The following ABTB3 variants were observed in gnomAD, a reference collection of about 807,000 sequenced individuals.
ABTB3 encodes ankyrin repeat and BTB domain containing 3.
At chr12:107,326,960 C>T in the ABTB3 span, among the ~76,000 whole-genome samples, 1 of 152,174 alleles carries the variant, frequency 6.6e-6, no homozygotes, top group Non-Finnish European at 1.5e-5. Flanking sequence ...TTGTTCTCCA[C>T]CCTCTCAGCT....
At chr12:107,636,141 G>A in the ABTB3 span, among the ~76,000 whole-genome samples, 34 of 152,262 alleles carry the variant, frequency 2.2e-4, no homozygotes, top group African/African-American at 7.2e-4. Context: ...ACACAGGTGT[G>A]CCCGGAAGCT....
chr12:107,581,082 G>A, the ABTB3 span: 28 of 1,545,298 alleles, frequency 1.8e-5, no homozygotes, highest in East Asian at 2.5e-5. Flanking sequence ...CAGGGGGTGG[G>A]GCCAAGCCGG....
At chr12:107,462,701 G>C in the ABTB3 span, among the ~76,000 whole-genome samples, 1 of 150,062 alleles carries the variant, frequency 6.7e-6, no homozygotes, top group African/African-American at 2.5e-5. Flanking sequence ...GGTGATGATG[G>C]TGGTGGTGAT....
chr12:107,555,575 A>G, the ABTB3 span, among the ~76,000 whole-genome samples: 1 of 152,212 alleles, frequency 6.6e-6, no homozygotes, highest in Admixed American at 6.5e-5. Context: ...GGAAAACGGA[A>G]AAAAAATCTG....
chr12:107,577,936 G>A, the ABTB3 span, among the ~76,000 whole-genome samples: 1 of 151,988 alleles, frequency 6.6e-6, no homozygotes, highest in Non-Finnish European at 1.5e-5. Context: ...AGCTCCTCAA[G>A]CTTCTTTTGG....
the ABTB3 span, among the ~76,000 whole-genome samples, chr12:107,559,885 T>G: frequency 3.9e-5 from 6 of 152,174 alleles, no homozygotes; most frequent in African/African-American, 1.4e-4. Context: ...TATATATGCT[T>G]GTTTTTTAAA....
chr12:107,477,408 T>A, the ABTB3 span, among the ~76,000 whole-genome samples: 1 of 152,312 alleles, frequency 6.6e-6, no homozygotes, highest in African/African-American at 2.4e-5. Context: ...GCATTGGCGC[T>A]AAGACTTGCC....
the ABTB3 span, among the ~76,000 whole-genome samples, chr12:107,402,372 G>A: frequency 3.9e-4 from 59 of 152,250 alleles, no homozygotes; most frequent in East Asian, 4.3e-3. Flanking sequence ...TGGCTTGACC[G>A]CCTAAGAGGC....
At chr12:107,319,769 G>C in the ABTB3 span, 1 of 1,480,778 alleles carries the variant, frequency 6.8e-7, no homozygotes, top group South Asian at 1.3e-5. Context: ...CCCGAGCTCG[G>C]GCCCTGGTGC....
the ABTB3 span, among the ~76,000 whole-genome samples, chr12:107,582,452 C>T: frequency 6.6e-6 from 1 of 152,212 alleles, no homozygotes; most frequent in Admixed American, 6.5e-5. Context: ...GTTCTAACCA[C>T]TGAGCGCTTT....
chr12:107,543,294 A>G, the ABTB3 span, among the ~76,000 whole-genome samples: 7 of 145,852 alleles, frequency 4.8e-5, no homozygotes, highest in Non-Finnish European at 1.5e-5. Flanking sequence ...AGTGGAGATC[A>G]TGCCACTGCA....
At chr12:107,620,210 C>T in the ABTB3 span, 4 of 1,600,182 alleles carry the variant, frequency 2.5e-6, no homozygotes, top group South Asian at 3.4e-5. Flanking sequence ...GAGAACAAAG[C>T]TGGAGGTTCC....
chr12:107,318,779 C>T, the ABTB3 span: 1 of 784,498 alleles, frequency 1.3e-6, no homozygotes, highest in Non-Finnish European at 2.0e-6. Context: ...GGCGGCAGTT[C>T]CGGGAGGCAG....
the ABTB3 span, among the ~76,000 whole-genome samples, chr12:107,539,212 T>C: frequency 1.2e-4 from 18 of 152,268 alleles, no homozygotes; most frequent in African/African-American, 3.9e-4. Context: ...TGTCTCTTCT[T>C]CCTCTACTCC....
chr12:107,404,631 C>T, the ABTB3 span, among the ~76,000 whole-genome samples: 7 of 152,302 alleles, frequency 4.6e-5, no homozygotes, highest in South Asian at 8.3e-4. Flanking sequence ...CCGGGACTTC[C>T]TCTGGCTTCC....
At chr12:107,346,521 G>A in the ABTB3 span, among the ~76,000 whole-genome samples, 1 of 152,008 alleles carries the variant, frequency 6.6e-6, no homozygotes, top group Non-Finnish European at 1.5e-5. Flanking sequence ...GTGCAGTGGT[G>A]TGATCTTGGC....
the ABTB3 span, among the ~76,000 whole-genome samples, chr12:107,646,951 G>A: frequency 6.6e-6 from 1 of 152,130 alleles, no homozygotes; most frequent in Non-Finnish European, 1.5e-5. Context: ...CCTAGCAGAG[G>A]GAACAGTGTG....
At chr12:107,514,286 CA>C in the ABTB3 span, among the ~76,000 whole-genome samples, 1 of 152,158 alleles carries the variant, frequency 6.6e-6, no homozygotes, top group Admixed American at 6.5e-5. Context: ...TGTGGACAAT[CA>C]AAGGCATTAG....
the ABTB3 span, among the ~76,000 whole-genome samples, chr12:107,353,761 G>T: frequency 6.6e-6 from 1 of 152,250 alleles, no homozygotes; most frequent in South Asian, 2.1e-4. Context: ...GGCAACATTG[G>T]ATTCTCACAG....
Sources: gnomAD v4.1 joint callset for allele counts (sites outside exome capture counted in the v4.1 genomes callset) on GRCh38, gnomAD v4.1.1 for gene constraint, MANE v1.5 for transcripts, NCBI Gene and HGNC (gene_info 2026-07-23, HGNC 2026-07-21) for gene names.